The following GRIK3 variants were observed in gnomAD, a reference collection of about 807,000 sequenced individuals.
The protein encoded by GRIK3 is glutamate receptor ionotropic, kainate 3.
Under a neutral mutation model 102.5 loss-of-function variants are expected in GRIK3, and 29 were observed. The observed-to-expected ratio is 0.28, with a 90% CI of 0.21 to 0.39. The LOEUF is 0.39. Ranked by LOEUF, GRIK3 falls within the 10% of genes least tolerant of loss-of-function variation. The pLI is 1.00. For missense variants in GRIK3, 908 were observed against 1,252.4 expected (o/e 0.73, Z 4.15); for synonymous variants, 511 against 504.9 (o/e 1.01, Z -0.16).
chr1:36,992,151 G>T (rs968809306), intron 1 of GRIK3, among the ~76,000 whole-genome samples: 1 of 152,230 alleles, frequency 6.6e-6, no homozygotes, highest in Non-Finnish European at 1.5e-5. Flanking sequence ...GCATAGAGAT[G>T]AACACGATGC....
intron 1 of GRIK3, among the ~76,000 whole-genome samples, chr1:36,920,143 G>A (rs1641450271): frequency 6.6e-6 from 1 of 152,210 alleles, no homozygotes; most frequent in African/African-American, 2.4e-5. Flanking sequence ...CCTTGGTTCT[G>A]TGAGCTCATC....
chr1:36,922,211 CA>C (rs1186387650), intron 1 of GRIK3, among the ~76,000 whole-genome samples: 1 of 152,204 alleles, frequency 6.6e-6, no homozygotes, highest in African/African-American at 2.4e-5. Context: ...CCCAGAGGTT[CA>C]GGCTCAGCAG....
At position 36,819,947 on chromosome 1, in the gene GRIK3, G is replaced by A. The variant is rs938122015; in HGVS notation, c.1755-93C>T. ...TTTAGCAAACACAGCTGTGCCAGCCGCCTCAGCGTCAATATCCTCATGGTT... is the reference window on the plus strand; with the variant it reads ...TTTAGCAAACACAGCTGTGCCAGCCACCTCAGCGTCAATATCCTCATGGTT... On this transcript the variant is annotated intron_variant, in intron 11 of 15. Coordinates refer to ENST00000373091, the MANE Select transcript of GRIK3 (RefSeq NM_000831.4). The surrounding 1 kb of genome is among the most constrained non-coding windows in gnomAD (Gnocchi z 4.1). The A allele has an allele frequency of 3.5e-5, 25 of 707,198 alleles. No individual in the cohort carries two copies. The highest frequency in any genetic ancestry group is 1.8e-4 in the African/African-American group (10 of 56,966). The allele number at this position is 707,198 out of a possible 1,614,324, so 43.8% of individuals were successfully genotyped here. A position where few individuals can be genotyped will look rare whatever the true frequency, so the allele number is the denominator to read the frequency against.
Position 36,880,758 on chromosome 1 carries a change from C to T in GRIK3, c.426G>A (p.Leu142=). 6.2e-7 allele frequency: 1 copy of T among 1,614,170 alleles called. No homozygotes were observed. Among genetic ancestry groups the T allele is most frequent in the Non-Finnish European group, 8.5e-7 (1 of 1,180,010 alleles). Residue 142 remains leucine, a synonymous_variant, in exon 3 of 16, where the codon CTG becomes CTA. Transcript: ENST00000373091. This position sits in a 1 kb window ranked among gnomAD's most constrained non-coding sequence, Gnocchi z 5.4. ...TCACGTAGAAGGTGTCCTTGTTGTC[C>T]AGCGGGTGGTGCTTCCAACGCAGCT... ...HIQLRWKHHP[L]DNKDTFYVNL...
At chr1:36,815,373 C>T (rs1486936807) in intron 13 of GRIK3, among the ~76,000 whole-genome samples, 1 of 152,148 alleles carries the variant, frequency 6.6e-6, no homozygotes, top group Non-Finnish European at 1.5e-5. Flanking sequence ...GAAGGCTTTC[C>T]CACCCAACCC....
intron 10 of GRIK3, among the ~76,000 whole-genome samples, chr1:36,834,067 C>T (rs908737572): frequency 5.9e-5 from 9 of 152,256 alleles, no homozygotes; most frequent in Non-Finnish European, 8.8e-5. Context: ...AACACTTGCT[C>T]TCATTGAATA....
At chr1:36,999,908 A>G (rs1017756811) in intron 1 of GRIK3, among the ~76,000 whole-genome samples, 1 of 152,132 alleles carries the variant, frequency 6.6e-6, no homozygotes, top group African/African-American at 2.4e-5. Context: ...GAGGCAGGAG[A>G]ATCGCTTGAA....
chr1:37,033,106 C>A (rs1642846184), intron 1 of GRIK3, among the ~76,000 whole-genome samples: 1 of 152,200 alleles, frequency 6.6e-6, no homozygotes, highest in African/African-American at 2.4e-5. Context: ...GTCGTCGGCC[C>A]GGGACATGCG....
chr1:36,862,726 C>T (rs777797701), intron 5 of GRIK3, among the ~76,000 whole-genome samples: 1 of 152,218 alleles, frequency 6.6e-6, no homozygotes, highest in African/African-American at 2.4e-5. Flanking sequence ...TTCACCCTCT[C>T]TCCTCATCTC....
intron 10 of GRIK3, among the ~76,000 whole-genome samples, chr1:36,826,609 G>T (rs1196449786): frequency 6.6e-6 from 1 of 151,862 alleles, no homozygotes; most frequent in Admixed American, 6.6e-5. Context: ...GGGAGGTAGA[G>T]GCTGCAGTGA....
intron 2 of GRIK3, among the ~76,000 whole-genome samples, chr1:36,883,209 G>A (rs1297279969): frequency 6.6e-6 from 1 of 152,228 alleles, no homozygotes; most frequent in African/African-American, 2.4e-5. Context: ...TGTTAGTCAA[G>A]CTAAAAAACT....
chr1:36,873,648 C>G (rs979076406), intron 3 of GRIK3, among the ~76,000 whole-genome samples: 9 of 152,216 alleles, frequency 5.9e-5, no homozygotes, highest in East Asian at 1.9e-4. Flanking sequence ...CCTGCCCCCC[C>G]ACCACTAATG....
intron 1 of GRIK3, among the ~76,000 whole-genome samples, chr1:36,994,055 T>C (rs1384478851): frequency 6.6e-6 from 1 of 152,162 alleles, no homozygotes; most frequent in East Asian, 1.9e-4. Flanking sequence ...ACTCCATCTG[T>C]CTAGGGGACC....
intron 3 of GRIK3, among the ~76,000 whole-genome samples, chr1:36,874,593 T>G (rs991860362): frequency 6.6e-6 from 1 of 152,168 alleles, no homozygotes; most frequent in Non-Finnish European, 1.5e-5. Flanking sequence ...CCCCTCCCAA[T>G]GTATCCCAGA....
At chr1:36,907,068 C>CA (rs536168416) in intron 1 of GRIK3, among the ~76,000 whole-genome samples, 1 of 152,040 alleles carries the variant, frequency 6.6e-6, no homozygotes, top group Non-Finnish European at 1.5e-5. Context: ...AAAATTAATT[C>CA]AAAAAACAGG....
chr1:36,926,606 G>C (rs184799212), intron 1 of GRIK3, among the ~76,000 whole-genome samples: 2 of 152,172 alleles, frequency 1.3e-5, no homozygotes, highest in Non-Finnish European at 2.9e-5. Context: ...GGCCAGGCTG[G>C]TCTTGAACTC....
intron 9 of GRIK3, among the ~76,000 whole-genome samples, chr1:36,849,322 G>A (rs1325434666): frequency 6.6e-6 from 1 of 152,208 alleles, no homozygotes; most frequent in Admixed American, 6.5e-5. Flanking sequence ...AAGGGGCCAG[G>A]TATAGGGTGA....
chr1:36,863,709 C>A (rs1049963121), intron 5 of GRIK3, among the ~76,000 whole-genome samples: 1 of 152,172 alleles, frequency 6.6e-6, no homozygotes, highest in African/African-American at 2.4e-5. Flanking sequence ...TGTACACATG[C>A]ACAACAGAGT....
At position 36,993,799 on chromosome 1, in the gene GRIK3, T is replaced by C. The variant is rs144388807; in HGVS notation, c.115+40195A>G. On this transcript the variant is annotated intron_variant, in intron 1 of 15. Transcript: ENST00000373091. Reference sequence around the variant, plus strand: ...CCTTCCAGGGGTGGCCCATATCGAATAACTGACCAACACAGGGGCTACAGG... The same window carrying C: ...CCTTCCAGGGGTGGCCCATATCGAACAACTGACCAACACAGGGGCTACAGG... 2.8e-3 allele frequency among the ~76,000 whole-genome samples: 433 copies of C among 152,292 alleles called. 3 individuals are homozygous for C. The highest frequency in any genetic ancestry group is 9.9e-3 in the African/African-American group (411 of 41,556).
Sources: allele counts gnomAD v4.1 joint callset (sites outside exome capture counted in the v4.1 genomes callset), GRCh38; gene constraint gnomAD v4.1.1; non-coding constraint Gnocchi (gnomAD v3.1); transcripts MANE v1.5; gene names NCBI Gene and HGNC (gene_info 2026-07-23, HGNC 2026-07-21).